STARD13: variants seen among roughly 807,000 people sequenced by gnomAD.
STARD13 encodes StAR related lipid transfer domain containing 13.
A neutral mutation model predicts 106.4 loss-of-function variants in STARD13; 62 were observed. That is an observed-to-expected ratio of 0.58 (90% CI 0.48 to 0.72). STARD13 has a LOEUF of 0.72. Among genes scored for constraint, STARD13 ranks in the 30% least tolerant of loss-of-function variants. The pLI is 0.00. For missense variants in STARD13, 1,387 were observed against 1,424.0 expected (o/e 0.97, Z 0.42); for synonymous variants, 565 against 553.0 (o/e 1.02, Z -0.31).
chr13:33,643,961 G>A, the STARD13 span, among the ~76,000 whole-genome samples: 2 of 152,202 alleles, frequency 1.3e-5, no homozygotes, highest in African/African-American at 2.4e-5. Flanking sequence ...ATATCTGGCT[G>A]CTCCTCCAGG....
chr13:33,562,431 T>TA, the STARD13 span, among the ~76,000 whole-genome samples: 1 of 146,830 alleles, frequency 6.8e-6, no homozygotes, highest in East Asian at 2.0e-4. Context: ...GCTCAGGTCA[T>TA]ATGACACTTC....
intron 1 of STARD13, among the ~76,000 whole-genome samples, chr13:33,339,649 C>G (rs149554574): frequency 3.3e-5 from 5 of 152,316 alleles, no homozygotes; most frequent in African/African-American, 1.2e-4. Flanking sequence ...TAGCACAAAG[C>G]CTCTCTTCTT....
At chr13:33,659,373 A>G in the STARD13 span, among the ~76,000 whole-genome samples, 35 of 151,148 alleles carry the variant, frequency 2.3e-4, no homozygotes, top group African/African-American at 7.5e-4. Context: ...ATGCCACCAC[A>G]CTCAGCTAAT....
intron 1 of STARD13, among the ~76,000 whole-genome samples, chr13:33,204,120 C>T (rs928860581): frequency 2.0e-5 from 3 of 152,188 alleles, no homozygotes; most frequent in African/African-American, 4.8e-5. Context: ...TAAGGTCTGA[C>T]GTGGGTACTG....
At chr13:33,272,040 T>C (rs1291065166) in intron 1 of STARD13, among the ~76,000 whole-genome samples, 3 of 152,192 alleles carry the variant, frequency 2.0e-5, no homozygotes, top group Non-Finnish European at 2.9e-5. Context: ...GGTCTTACTA[T>C]GTTTATTTTC....
At chr13:33,533,975 T>C in the STARD13 span, among the ~76,000 whole-genome samples, 1 of 152,348 alleles carries the variant, frequency 6.6e-6, no homozygotes, top group Non-Finnish European at 1.5e-5. Context: ...ACATATCTTA[T>C]ACTTACTTTA....
the STARD13 span, among the ~76,000 whole-genome samples, chr13:33,396,348 A>G: frequency 2.3e-4 from 35 of 152,354 alleles, no homozygotes; most frequent in African/African-American, 8.2e-4. Context: ...AGATGAGCAC[A>G]TGAAAGAAGT....
chr13:33,168,411 GGAGT>G (rs1011734968), intron 1 of STARD13, among the ~76,000 whole-genome samples: 20 of 152,258 alleles, frequency 1.3e-4, no homozygotes, highest in African/African-American at 4.8e-4. Flanking sequence ...GGGAAGCTGT[GGAGT>G]GAGATAGGAG....
At chr13:33,429,927 T>TGG in the STARD13 span, among the ~76,000 whole-genome samples, 195 of 137,752 alleles carry the variant, frequency 1.4e-3, 3 homozygotes, top group East Asian at 3.9e-3. Flanking sequence ...ACTTTTTTTT[T>TGG]GGGGGGGGGG....
At chr13:33,121,178 G>C (rs1176282813) in intron 7 of STARD13, among the ~76,000 whole-genome samples, 1 of 152,252 alleles carries the variant, frequency 6.6e-6, no homozygotes, top group Non-Finnish European at 1.5e-5. Context: ...CTAAGGCATA[G>C]AGAGATCCTG....
chr13:33,494,475 G>A, the STARD13 span, among the ~76,000 whole-genome samples: 1 of 152,216 alleles, frequency 6.6e-6, no homozygotes, highest in East Asian at 1.9e-4. Context: ...CTTGCAAGAC[G>A]AAATGGGCGT....
chr13:33,549,147 A>C, the STARD13 span, among the ~76,000 whole-genome samples: 1 of 152,226 alleles, frequency 6.6e-6, no homozygotes, highest in East Asian at 1.9e-4. Flanking sequence ...AGCAAAGGAC[A>C]TCTTGATTTG....
intron 3 of STARD13, among the ~76,000 whole-genome samples, chr13:33,147,025 A>C (rs1312673521): frequency 6.6e-6 from 1 of 151,854 alleles, no homozygotes; most frequent in East Asian, 1.9e-4. Context: ...TTCCCTGAAA[A>C]CCCCCAGTTC....
chr13:33,296,366 ATCTT>A (rs1014332062), intron 1 of STARD13, among the ~76,000 whole-genome samples: 10 of 152,172 alleles, frequency 6.6e-5, no homozygotes, highest in African/African-American at 2.4e-4. Context: ...AAGATATACA[ATCTT>A]TATCAGTCAA....
chr13:33,136,545 C>T (rs9568890), intron 4 of STARD13, among the ~76,000 whole-genome samples: 4 of 151,974 alleles, frequency 2.6e-5, no homozygotes, highest in African/African-American at 9.7e-5. Context: ...ATATACCTAC[C>T]TTTCCCTAAT....
the STARD13 span, among the ~76,000 whole-genome samples, chr13:33,529,661 A>G: frequency 6.6e-6 from 1 of 152,194 alleles, no homozygotes; most frequent in Non-Finnish European, 1.5e-5. Context: ...ACAAAACGAT[A>G]TGGGAAAACA....
the STARD13 span, among the ~76,000 whole-genome samples, chr13:33,458,785 G>A: frequency 6.7e-6 from 1 of 150,064 alleles, no homozygotes; most frequent in South Asian, 2.1e-4. Flanking sequence ...GGGCGCTTCT[G>A]AGTGAGGAAC....
the STARD13 span, among the ~76,000 whole-genome samples, chr13:33,426,974 T>C: frequency 1.3e-5 from 2 of 152,354 alleles, no homozygotes; most frequent in African/African-American, 2.4e-5. Flanking sequence ...TCATGCATGA[T>C]TTGGGTACTC....
intron 1 of STARD13, among the ~76,000 whole-genome samples, chr13:33,338,493 T>C (rs541491952): frequency 1.3e-5 from 2 of 152,290 alleles, no homozygotes; most frequent in African/African-American, 4.8e-5. Context: ...AAAATGTTAG[T>C]ATAATGAAAG....
Sources: gnomAD v4.1 joint callset for allele counts (sites outside exome capture counted in the v4.1 genomes callset) on GRCh38, gnomAD v4.1.1 for gene constraint, MANE v1.5 for transcripts, NCBI Gene and HGNC (gene_info 2026-07-23, HGNC 2026-07-21) for gene names.